Variants in ATXN10 observed in about 807,000 individuals in gnomAD.
The protein encoded by ATXN10 is ataxin 10.
Under a neutral mutation model 52.9 loss-of-function variants are expected in ATXN10, and 28 were observed. The observed-to-expected ratio is 0.53, with a 90% confidence interval of 0.39 to 0.73. ATXN10 has a LOEUF of 0.73. Among genes scored for constraint, ATXN10 ranks in the 30% least tolerant of loss-of-function variants. ATXN10 has a pLI of 0.00. For synonymous variants in ATXN10, 226 were observed against 221.5 expected (o/e 1.02, Z -0.18); for missense variants, 565 against 577.0 (o/e 0.98, Z 0.21).
At chr22:45,767,966 C>G (rs1311145794) in intron 9 of ATXN10, among the ~76,000 whole-genome samples, 1 of 152,016 alleles carries the variant, frequency 6.6e-6, no homozygotes, top group African/African-American at 2.4e-5. Context: ...ATAGAGAAAA[C>G]TGATTATGTT....
In ATXN10 at chr22:45,772,253, G is replaced by T. The variant is rs552140005; in HGVS notation, c.1173+31715G>T. The stretch of plus-strand genomic sequence containing the variant: ...TCCATTTGAGTTAGTCTCTCTATAA[G>T]GTGTGAGGGTTAGGTCAAGGTTCAT... On this transcript the variant is annotated intron_variant, in intron 9 of 11. Coordinates refer to ENST00000252934, the MANE Select transcript of ATXN10 (RefSeq NM_013236.4). This position sits in a 1 kb window ranked among gnomAD's most constrained non-coding sequence, Gnocchi z 4.1. Among the ~76,000 whole-genome samples the T allele has an allele frequency of 8.5e-5, 13 of 152,178 alleles. No individual in the cohort carries two copies. The highest frequency in any genetic ancestry group is 2.9e-4 in the African/African-American group (12 of 41,508).
Position 45,696,462 on chromosome 22 carries a change from G to A in ATXN10, c.391+3384G>A, listed in dbSNP as rs1400997947. On this transcript the variant is annotated intron_variant, in intron 3 of 11. Coordinates refer to ENST00000252934, the MANE Select transcript of ATXN10 (RefSeq NM_013236.4). The surrounding 1 kb of genome is among the most constrained non-coding windows in gnomAD (Gnocchi z 4.7). ...CTAAATAAAGAAGCAAAGGGGAAGTGCTGTACAAATGCTGTGATTAAATAA... is the reference window on the plus strand; with the variant it reads ...CTAAATAAAGAAGCAAAGGGGAAGTACTGTACAAATGCTGTGATTAAATAA... Among the ~76,000 whole-genome samples the A allele has an allele frequency of 6.6e-6, 1 of 152,210 alleles. No homozygotes were observed. The highest frequency in any genetic ancestry group is 1.5e-5 in the Non-Finnish European group (1 of 68,036).
In ATXN10 at chr22:45,677,763, A is replaced by T. The variant is rs1354090239; in HGVS notation, c.116+5584A>T. On this transcript the variant is annotated intron_variant, in intron 1 of 11. Coordinates refer to ENST00000252934, the MANE Select transcript of ATXN10 (RefSeq NM_013236.4). This position sits in a 1 kb window ranked among gnomAD's most constrained non-coding sequence, Gnocchi z 4.1. ...AATGCAGTTAAAACTTCAGTGAGAGACTACTGCATGCCGTTTAGGATGGCT... is the reference window on the plus strand; with the variant it reads ...AATGCAGTTAAAACTTCAGTGAGAGTCTACTGCATGCCGTTTAGGATGGCT... 6.6e-6 allele frequency: 1 copy of T among 152,226 alleles called. No homozygotes were observed. The highest frequency in any genetic ancestry group is 1.5e-5 in the Non-Finnish European group (1 of 68,044). The allele number at this position is 152,226 out of a possible 1,614,324, so 9.4% of individuals were successfully genotyped here. A position where few individuals can be genotyped will look rare whatever the true frequency, so the allele number is the denominator to read the frequency against.
intron 10 of ATXN10, among the ~76,000 whole-genome samples, chr22:45,810,757 T>C (rs1228761581): frequency 6.6e-6 from 1 of 152,258 alleles, no homozygotes; most frequent in Admixed American, 6.5e-5. Context: ...TCAATTTTTA[T>C]TATAACTTCT....
Position 45,718,002 on chromosome 22 carries a change from A to G in ATXN10, c.648-411A>G, listed in dbSNP as rs1445696335. On this transcript the variant is annotated intron_variant, in intron 5 of 11. Transcript: ENST00000252934. This position sits in a 1 kb window ranked among gnomAD's most constrained non-coding sequence, Gnocchi z 4.4. ...TTAAAGAGTGAATAATCAAGCCAGT[A>G]ATGGAAGTGTGACAAGTCTTTCTCT... Among the ~76,000 whole-genome samples the G allele has an allele frequency of 6.6e-6, 1 of 152,186 alleles. No homozygotes were observed. The highest frequency in any genetic ancestry group is 1.5e-5 in the Non-Finnish European group (1 of 68,032).
At chr22:45,680,170 G>A (rs953341202) in intron 1 of ATXN10, 3 of 152,178 alleles carry the variant, frequency 2.0e-5, no homozygotes, top group Admixed American at 6.5e-5. Flanking sequence ...CCATAAGTGG[G>A]GGATGCTCTT....
chr22:45,797,292 C>G (rs1020476439), intron 9 of ATXN10, among the ~76,000 whole-genome samples: 3 of 152,202 alleles, frequency 2.0e-5, no homozygotes, highest in African/African-American at 7.2e-5. Context: ...ATAGAACATT[C>G]ACCAAGACAG....
At chr22:45,822,523 A>ATTTTTTTTTTT (rs763159693) in intron 10 of ATXN10, among the ~76,000 whole-genome samples, 4 of 96,634 alleles carry the variant, frequency 4.1e-5, no homozygotes, top group Admixed American at 2.4e-4. Context: ...AATTTCTCCA[A>ATTTTTTTTTTT]TTTTTTTTTT....
intron 7 of ATXN10, among the ~76,000 whole-genome samples, chr22:45,736,313 C>T (rs1925294024): frequency 6.6e-6 from 1 of 152,098 alleles, no homozygotes; most frequent in Non-Finnish European, 1.5e-5. Context: ...CATATTTCAT[C>T]AGTTACTCTA....
chr22:45,826,420 A>G lies in ATXN10; in HGVS notation c.1238-16571A>G, dbSNP rs544091945. 2.2e-4 allele frequency among the ~76,000 whole-genome samples: 34 copies of G among 152,338 alleles called. 1 individual carries two copies. Among genetic ancestry groups the G allele is most frequent in the Middle Eastern group, 6.8e-3 (2 of 294 alleles). On this transcript the variant is annotated intron_variant, in intron 10 of 11. Transcript: ENST00000252934. The surrounding 1 kb of genome is among the most constrained non-coding windows in gnomAD (Gnocchi z 5.0). ...CTGAAAATTTTCCACATTTGATGGA[A>G]GTCACGAATATATACAACCAGGAAA...
chr22:45,745,635 T>G (rs906141136), intron 9 of ATXN10, among the ~76,000 whole-genome samples: 1 of 152,258 alleles, frequency 6.6e-6, no homozygotes, highest in South Asian at 2.1e-4. Context: ...GCAGGTTCAT[T>G]TATATACATA....
intron 6 of ATXN10, among the ~76,000 whole-genome samples, chr22:45,719,368 G>T (rs1407449351): frequency 6.6e-6 from 1 of 151,850 alleles, no homozygotes; most frequent in Non-Finnish European, 1.5e-5. Context: ...TATTAATTAG[G>T]TCATTTTTCT....
At position 45,842,967 on chromosome 22, in the gene ATXN10, C is replaced by CA. The variant is rs1483732808; in HGVS notation, c.1238-23dup. The CA allele has an allele frequency of 2.5e-6, 4 of 1,610,090 alleles. No homozygotes were observed. ...GTTATCAAACAGGAAAGTACGTTGT[C>CA]ACATTCCTTCACTCTGGCTCCAGTT... On this transcript the variant is annotated intron_variant, in intron 10 of 11. Transcript: ENST00000252934. This position sits in a 1 kb window ranked among gnomAD's most constrained non-coding sequence, Gnocchi z 4.8.
chr22:45,809,960 T>G (rs1391931902), intron 10 of ATXN10, among the ~76,000 whole-genome samples: 1 of 152,162 alleles, frequency 6.6e-6, no homozygotes, highest in Non-Finnish European at 1.5e-5. Flanking sequence ...TAGTTAAGGT[T>G]TTTTGCACGT....
At chr22:45,773,481 A>G (rs1177576068) in intron 9 of ATXN10, among the ~76,000 whole-genome samples, 1 of 149,456 alleles carries the variant, frequency 6.7e-6, no homozygotes, top group Non-Finnish European at 1.5e-5. Context: ...TATTTGAGAT[A>G]GGTGTCTCGC....
rs202068164 is a variant in ATXN10, at chr22:45,684,433, G to GT, written c.117-5271dup. Among the ~76,000 whole-genome samples the GT allele has an allele frequency of 7.4e-3, 1,125 of 151,938 alleles. 14 individuals carry two copies. The highest frequency in any genetic ancestry group is 0.025 in the African/African-American group (1,051 of 41,450). On this transcript the variant is annotated intron_variant, in intron 1 of 11. Transcript: ENST00000252934. The surrounding 1 kb of genome is among the most constrained non-coding windows in gnomAD (Gnocchi z 4.1). ...CATGGCCAGATCTGGCCTACTACCT[G>GT]TTTTTTTTATGACCCATGAGTTAAG...
Position 45,732,918 on chromosome 22 carries a change from A to ACAGACCC in ATXN10, c.894+3331_894+3332insACCCCAG, listed in dbSNP as rs1477409234. 1.3e-5 allele frequency among the ~76,000 whole-genome samples: 2 copies of ACAGACCC among 152,376 alleles called. No homozygotes were observed. Among genetic ancestry groups the ACAGACCC allele is most frequent in the Non-Finnish European group, 2.9e-5 (2 of 68,034 alleles). On this transcript the variant is annotated intron_variant, in intron 7 of 11. Transcript: ENST00000252934. This position sits in a 1 kb window ranked among gnomAD's most constrained non-coding sequence, Gnocchi z 4.5. ...CTATGACTGAAAAGTGAGAATGGAA[A>ACAGACCC]CAGTTGTATTTATAGCATGTGTTTT...
At chr22:45,700,566 C>T (rs568789543) in intron 4 of ATXN10, among the ~76,000 whole-genome samples, 188 bp downstream of exon 4, 5 of 151,662 alleles carry the variant, frequency 3.3e-5, no homozygotes, top group Admixed American at 2.6e-4. Context: ...TGGAAGTGTT[C>T]GTCTATATCT....
intron 9 of ATXN10, among the ~76,000 whole-genome samples, chr22:45,776,363 C>G (rs1234924310): frequency 6.6e-6 from 1 of 152,180 alleles, no homozygotes; most frequent in East Asian, 1.9e-4. Flanking sequence ...CGAAGATGAT[C>G]ATGTCTGCAG....
Sources: allele counts gnomAD v4.1 joint callset (sites outside exome capture counted in the v4.1 genomes callset), GRCh38; gene constraint gnomAD v4.1.1; non-coding constraint Gnocchi (gnomAD v3.1); transcripts MANE v1.5; gene names NCBI Gene and HGNC (gene_info 2026-07-23, HGNC 2026-07-21).